ATXN7: variants seen among roughly 807,000 people sequenced by gnomAD.
ATXN7 encodes ataxin-7.
ATXN7 carries 12 observed loss-of-function variants against 70.5 expected under a neutral mutation model. The observed-to-expected ratio is 0.17, with a 90% CI of 0.11 to 0.28. The LOEUF is 0.28. ATXN7 is among the 10% of genes least tolerant of loss of function. The probability of loss-of-function intolerance (pLI) is 1.00; values close to 1 mark genes in which losing one functional copy is unlikely to be tolerated. For missense variants in ATXN7, 1,256 were observed against 1,131.7 expected (o/e 1.11, Z -1.58); for synonymous variants, 498 against 448.7 (o/e 1.11, Z -1.39).
At chr3:63,997,485 G>A in intron 12 of ATXN7, 1 of 687,212 alleles carries the variant, frequency 1.5e-6, no homozygotes, top group Non-Finnish European at 2.5e-6. Context: ...AATTAACCAT[G>A]ACTTTCTCTC....
chr3:63,949,212 A>G (rs2074914220), intron 4 of ATXN7, among the ~76,000 whole-genome samples: 1 of 150,998 alleles, frequency 6.6e-6, no homozygotes, highest in Non-Finnish European at 1.5e-5. Context: ...TCCTGTTGCT[A>G]AGGCCCCTGG....
At chr3:63,977,378 T>C (rs536942212) in intron 5 of ATXN7, among the ~76,000 whole-genome samples, 3 of 152,202 alleles carry the variant, frequency 2.0e-5, no homozygotes, top group Non-Finnish European at 2.9e-5. Context: ...ACATTTGCTC[T>C]GAGACACCTG....
intron 9 of ATXN7, 68 bp downstream of exon 9, chr3:63,988,392 A>C: frequency 6.3e-7 from 1 of 1,585,208 alleles, no homozygotes; most frequent in Non-Finnish European, 8.6e-7. Context: ...GTAAAATTTC[A>C]GTATGGTCAT....
At chr3:63,923,183 C>A (rs555834587) in intron 4 of ATXN7, among the ~76,000 whole-genome samples, 1 of 152,286 alleles carries the variant, frequency 6.6e-6, no homozygotes, top group East Asian at 1.9e-4. Context: ...TTCTCTGGGC[C>A]TCATGCTAGG....
At chr3:63,914,300 G>GT (rs1464838029) in intron 4 of ATXN7, among the ~76,000 whole-genome samples, 1 of 152,074 alleles carries the variant, frequency 6.6e-6, no homozygotes, top group African/African-American at 2.4e-5. Context: ...CTCTGTTTCG[G>GT]TTTTTTTGAA....
At chr3:63,903,386 C>CAAAAAAAAAAAAAAAAAA (rs775558434) in intron 2 of ATXN7, among the ~76,000 whole-genome samples, 1 of 49,588 alleles carries the variant, frequency 2.0e-5, no homozygotes, top group African/African-American at 7.9e-5. Context: ...GACTCCGTCT[C>CAAAAAAAAAAAAAAAAAA]AAAAAAAAAA....
chr3:63,993,731 G>A (rs2075710485), intron 11 of ATXN7, among the ~76,000 whole-genome samples: 1 of 152,242 alleles, frequency 6.6e-6, no homozygotes, highest in East Asian at 1.9e-4. Context: ...GCTCTAGAAG[G>A]CTTTTCCTTT....
intron 2 of ATXN7, chr3:63,901,291 T>C (rs1703632472): frequency 6.6e-6 from 1 of 152,234 alleles, no homozygotes; most frequent in Admixed American, 6.5e-5. Context: ...TCTAGTCTCT[T>C]TGCAATTTGC....
intron 4 of ATXN7, among the ~76,000 whole-genome samples, chr3:63,934,267 G>C (rs1003538518): frequency 6.6e-5 from 10 of 152,112 alleles, no homozygotes; most frequent in Non-Finnish European, 1.5e-4. Context: ...GGCTATGATA[G>C]AGTCTGGCCT....
chr3:63,894,923 A>C (rs1703397381), intron 1 of ATXN7, among the ~76,000 whole-genome samples: 1 of 151,950 alleles, frequency 6.6e-6, no homozygotes, highest in Non-Finnish European at 1.5e-5. Flanking sequence ...GTCAGCCTTC[A>C]AGGTTTCAGG....
chr3:63,924,144 A>G (rs1704612712), intron 4 of ATXN7, among the ~76,000 whole-genome samples: 2 of 152,034 alleles, frequency 1.3e-5, no homozygotes, highest in East Asian at 3.9e-4. Context: ...TTTGATGAAA[A>G]ATTGGATGTG....
chr3:63,955,715 C>T (rs556951461), intron 5 of ATXN7, among the ~76,000 whole-genome samples: 1 of 152,310 alleles, frequency 6.6e-6, no homozygotes, highest in East Asian at 1.9e-4. Flanking sequence ...AGTCTATTTA[C>T]GTGCCAAAAG....
intron 4 of ATXN7, among the ~76,000 whole-genome samples, chr3:63,946,681 AG>A (rs1239967181): frequency 6.6e-6 from 1 of 151,578 alleles, no homozygotes; most frequent in African/African-American, 2.4e-5. Flanking sequence ...AGAACAAGAC[AG>A]GTTCTGAGAA....
chr3:63,909,792 A>C (rs554910367), intron 2 of ATXN7, among the ~76,000 whole-genome samples: 1 of 152,302 alleles, frequency 6.6e-6, no homozygotes, highest in Admixed American at 6.5e-5. Flanking sequence ...CTGGTTGAAG[A>C]AATACCAGGA....
intron 5 of ATXN7, among the ~76,000 whole-genome samples, chr3:63,971,378 C>G (rs896863384): frequency 1.3e-5 from 2 of 152,140 alleles, no homozygotes; most frequent in African/African-American, 4.8e-5. Context: ...ACACTCAGCT[C>G]TCTCTGGAAT....
intron 12 of ATXN7, 134 bp downstream of exon 12, chr3:63,996,617 TAAAAAAAA>T (rs752406394): frequency 5.2e-4 from 105 of 202,714 alleles, no homozygotes; most frequent in African/African-American, 2.0e-3. Context: ...GGTGTCTTCT[TAAAAAAAA>T]AAAAAAAAAA....
At chr3:63,993,031 TGTG>T (rs1340774502) in intron 11 of ATXN7, among the ~76,000 whole-genome samples, 1 of 152,136 alleles carries the variant, frequency 6.6e-6, no homozygotes, top group Non-Finnish European at 1.5e-5. Flanking sequence ...ACAGGGTTAT[TGTG>T]GTAAAATTGA....
At chr3:63,934,474 G>T (rs1234773743) in intron 4 of ATXN7, among the ~76,000 whole-genome samples, 1 of 152,118 alleles carries the variant, frequency 6.6e-6, no homozygotes, top group African/African-American at 2.4e-5. Context: ...TAGGGGTGGG[G>T]CACTAGGAAA....
intron 4 of ATXN7, among the ~76,000 whole-genome samples, chr3:63,922,816 G>C (rs1054590262): frequency 6.6e-6 from 1 of 151,988 alleles, no homozygotes; most frequent in Non-Finnish European, 1.5e-5. Context: ...GGTTTTAATG[G>C]AAAAAATTAT....
Sources: gnomAD v4.1 joint callset for allele counts (sites outside exome capture counted in the v4.1 genomes callset) on GRCh38, gnomAD v4.1.1 for gene constraint, MANE v1.5 for transcripts, NCBI Gene and HGNC (gene_info 2026-07-23, HGNC 2026-07-21) for gene names.